SI: variants seen among roughly 807,000 people sequenced by gnomAD.
SI encodes sucrase-isomaltase, also known as sucrase-isomaltase, intestinal.
In SI, 235 loss-of-function variants were observed where a neutral mutation model predicts 253.3. The ratio of observed to expected loss-of-function variants is 0.93; its 90% CI spans 0.83 to 1.03. The LOEUF is 1.03. Ranked by LOEUF, SI falls within the 50% of genes least tolerant of loss-of-function variation. The probability of loss-of-function intolerance (pLI) is 0.00; values close to 1 mark genes in which losing one functional copy is unlikely to be tolerated. For synonymous variants in SI, 819 were observed against 712.0 expected (o/e 1.15, Z -2.39); for missense variants, 2,442 against 2,211.1 (o/e 1.10, Z -2.09).
chr3:164,998,785 C>T (rs1718135037), intron 37 of SI, 112 bp from the exon 38 acceptor site: 1 of 868,780 alleles, frequency 1.2e-6, no homozygotes, highest in Non-Finnish European at 1.9e-6. Flanking sequence ...CTTATATTGT[C>T]ATTTATTACA....
chr3:165,067,307 T>C, intron 6 of SI, 33 bp downstream of exon 6: 3 of 1,430,450 alleles, frequency 2.1e-6, no homozygotes, highest in Non-Finnish European at 2.9e-6. Context: ...AATAATAGAA[T>C]AAACTTATAT....
At chr3:165,007,004 A>T (rs998359553) in intron 36 of SI, 50 bp from the exon 37 acceptor site, 4 of 1,283,582 alleles carry the variant, frequency 3.1e-6, no homozygotes, top group Non-Finnish European at 4.4e-6. Flanking sequence ...GTGCCCTACA[A>T]TGAAACGTGT....
intron 2 of SI, among the ~76,000 whole-genome samples, chr3:165,075,028 A>G (rs1483356843): frequency 6.6e-6 from 1 of 151,994 alleles, no homozygotes; most frequent in Non-Finnish European, 1.5e-5. Flanking sequence ...GTTATGAAAA[A>G]CATATAGAGA....
intron 9 of SI, among the ~76,000 whole-genome samples, chr3:165,061,463 A>G (rs1713982902): frequency 6.6e-6 from 1 of 152,014 alleles, no homozygotes; most frequent in African/African-American, 2.4e-5. Flanking sequence ...GAATGATTAG[A>G]CATTGTAAAT....
chr3:165,068,781 C>G lies in SI; in HGVS notation c.424G>C (p.Asp142His). ...GTTGTGAAGAGAACACTGTTGATGT[C>G]ATTTCCAAATAGTGTAGGTGAAGGT... Reference protein sequence around the residue: ...RIPSPTLFGNDINSVLFTTQN... With the variant: ...RIPSPTLFGNHINSVLFTTQN... The change falls in exon 5 of 48, where the codon GAC becomes CAC. Residue 142 changes from aspartate to histidine, a missense_variant. Transcript: ENST00000264382. The G allele has an allele frequency of 2.5e-6, 4 of 1,613,850 alleles. No individual in the cohort carries two copies. The highest frequency in any genetic ancestry group is 3.4e-6 in the Non-Finnish European group (4 of 1,179,846).
intron 12 of SI, among the ~76,000 whole-genome samples, chr3:165,056,860 T>TGAGGATGG (rs1405703794): frequency 6.6e-6 from 1 of 151,970 alleles, no homozygotes; most frequent in East Asian, 1.9e-4. Flanking sequence ...AACCTATGAA[T>TGAGGATGG]GAGGATGGGC....
chr3:164,992,738 CAT>C (rs1717825086), intron 41 of SI, among the ~76,000 whole-genome samples: 2 of 151,780 alleles, frequency 1.3e-5, no homozygotes, highest in South Asian at 2.1e-4. Context: ...AATTAAAAAA[CAT>C]ATTAAAAACA....
intron 19 of SI, among the ~76,000 whole-genome samples, 198 bp from the exon 20 acceptor site, chr3:165,039,332 G>A (rs183988152): frequency 2.0e-5 from 3 of 151,748 alleles, no homozygotes; most frequent in African/African-American, 7.3e-5. Context: ...AAAGCAAAGA[G>A]GTAAATAAAA....
chr3:164,993,395 C>T (rs1226338148), intron 41 of SI, among the ~76,000 whole-genome samples: 1 of 151,702 alleles, frequency 6.6e-6, no homozygotes, highest in African/African-American at 2.4e-5. Context: ...TTTAGGAAAA[C>T]TGGATCGCTT....
intron 21 of SI, 122 bp from the exon 22 acceptor site, chr3:165,036,599 C>A: frequency 1.6e-6 from 1 of 628,972 alleles, no homozygotes; most frequent in Non-Finnish European, 2.8e-6. Context: ...AGGACATTGA[C>A]ATCAATAAAT....
rs1370775846 is a variant in SI at position 165,016,093 on chromosome 3, A to T, written c.3760-13T>A. On this transcript the variant is annotated splice_polypyrimidine_tract_variant and intron_variant, in intron 31 of 47. Transcript: ENST00000264382. ...TGTACTGAACATCCTGAAATATCCA[A>T]AAATTATCAAAGTAGGGCAAAAAAT... 6.2e-7 allele frequency: 1 copy of T among 1,611,590 alleles called. No homozygotes were observed. The highest frequency in any genetic ancestry group is 1.7e-5 in the Admixed American group (1 of 59,970).
At chr3:165,031,388 G>A (rs1014595033) in intron 24 of SI, among the ~76,000 whole-genome samples, 1 of 147,616 alleles carries the variant, frequency 6.8e-6, no homozygotes, top group African/African-American at 2.5e-5. Context: ...GCATAAAAGT[G>A]GACATACAAA....
chr3:165,038,322 C>T (rs554361780), intron 20 of SI, among the ~76,000 whole-genome samples: 143 of 151,692 alleles, frequency 9.4e-4, no homozygotes, highest in African/African-American at 3.4e-3. Flanking sequence ...AAAGTTTATG[C>T]CTTTAGGAAG....
At chr3:165,066,450 A>G (rs570381349) in intron 6 of SI, among the ~76,000 whole-genome samples, 4 of 152,034 alleles carry the variant, frequency 2.6e-5, no homozygotes, top group Admixed American at 2.6e-4. Context: ...CACATTTAGA[A>G]TTTATAGTAG....
At chr3:165,041,979 C>A (rs183284369) in intron 17 of SI, among the ~76,000 whole-genome samples, 3 of 152,180 alleles carry the variant, frequency 2.0e-5, no homozygotes, top group East Asian at 1.9e-4. Context: ...TAGAACTAGG[C>A]GCAATTCGGG....
intron 41 of SI, among the ~76,000 whole-genome samples, chr3:164,993,838 G>A (rs1717887688): frequency 6.6e-6 from 1 of 151,600 alleles, no homozygotes; most frequent in Admixed American, 6.6e-5. Flanking sequence ...ATACATCAAG[G>A]AAAAGGTGGA....
intron 13 of SI, among the ~76,000 whole-genome samples, chr3:165,052,209 C>T (rs1411136909): frequency 1.3e-5 from 2 of 151,984 alleles, no homozygotes; most frequent in African/African-American, 4.8e-5. Context: ...TTTTAATTCT[C>T]TAATTTATCC....
chr3:165,069,041 A>G, intron 4 of SI, 37 bp downstream of exon 4: 1 of 1,363,198 alleles, frequency 7.3e-7, no homozygotes, highest in South Asian at 1.2e-5. Context: ...CAGTTAGAAT[A>G]TATCATATTG....
chr3:165,056,893 G>A (rs1713718633), intron 12 of SI, among the ~76,000 whole-genome samples: 1 of 152,000 alleles, frequency 6.6e-6, no homozygotes, highest in South Asian at 2.1e-4. Flanking sequence ...AGACTGTGAA[G>A]ACTATTATAA....
Sources: gnomAD v4.1 joint callset for allele counts (sites outside exome capture counted in the v4.1 genomes callset) on GRCh38, gnomAD v4.1.1 for gene constraint, MANE v1.5 for transcripts, NCBI Gene and HGNC (gene_info 2026-07-23, HGNC 2026-07-21) for gene names.